The following ME3 variants were observed in gnomAD, a reference collection of about 807,000 sequenced individuals.
The protein encoded by ME3 is NADP-dependent malic enzyme, mitochondrial.
In ME3, 48 loss-of-function variants were observed where a neutral mutation model predicts 68.9. The observed-to-expected ratio is 0.70, with a 90% CI of 0.55 to 0.89. The LOEUF (loss-of-function observed/expected upper bound fraction) is 0.89, where lower values mean the gene tolerates loss of function less well. Among genes scored for constraint, ME3 ranks in the 40% least tolerant of loss-of-function variants. ME3 has a pLI of 0.00. For missense variants in ME3, 675 were observed against 797.4 expected, an observed-to-expected ratio of 0.85 and a Z score of 1.85; for synonymous variants, 320 against 318.8, an observed-to-expected ratio of 1.00 and a Z score of -0.04.
intron 2 of ME3, among the ~76,000 whole-genome samples, chr11:86,563,665 A>G (rs1482924459): frequency 6.6e-6 from 1 of 152,146 alleles, no homozygotes; most frequent in Non-Finnish European, 1.5e-5. Flanking sequence ...TCTTTTGCAT[A>G]TGGCTAGCCA....
chr11:86,487,476 C>G, intron 6 of ME3, 36 bp from the exon 7 acceptor site: 1 of 1,542,142 alleles, frequency 6.5e-7, no homozygotes, highest in Non-Finnish European at 8.9e-7. Context: ...GAGCCTACTC[C>G]CGGTGTTCCT....
At chr11:86,460,730 G>A (rs561187641) in intron 8 of ME3, among the ~76,000 whole-genome samples, 5 of 152,312 alleles carry the variant, frequency 3.3e-5, no homozygotes, top group African/African-American at 9.6e-5. Flanking sequence ...AACCCTCTGT[G>A]GTTCTGTGCA....
At chr11:86,462,677 G>T (rs1950280909) in intron 8 of ME3, 2 of 1,042,326 alleles carry the variant, frequency 1.9e-6, no homozygotes, top group Non-Finnish European at 2.6e-6. Context: ...GGTGCTGGGA[G>T]CTGGGGAACA....
At chr11:86,665,248 T>C (rs1049637517) in intron 2 of ME3, among the ~76,000 whole-genome samples, 1 of 152,224 alleles carries the variant, frequency 6.6e-6, no homozygotes, top group Non-Finnish European at 1.5e-5. Flanking sequence ...AGCAGTTAGA[T>C]AGCATATGAG....
At position 86,485,978 on chromosome 11, in the gene ME3, T is replaced by C. The variant is rs188497060; in HGVS notation, c.809+1359A>G. ...TCCCAGTCTGGACATTCTCCCACTC[T>C]CCTAGATAACTAGGTCCCACTTCCT... On this transcript the variant is annotated intron_variant, in intron 7 of 14. Transcript: ENST00000543262. Among the ~76,000 whole-genome samples, 44 of 152,294 alleles carry C rather than the reference T, an allele frequency of 2.9e-4. No homozygotes were observed. The East Asian group carries it at 7.7e-3, about 27-fold the overall frequency.
chr11:86,623,847 A>G (rs1943497052), intron 2 of ME3, among the ~76,000 whole-genome samples: 1 of 152,124 alleles, frequency 6.6e-6, no homozygotes, highest in African/African-American at 2.4e-5. Flanking sequence ...TCTGGAGATT[A>G]TGAATGCCTT....
At chr11:86,628,953 A>T (rs1482927015) in intron 2 of ME3, among the ~76,000 whole-genome samples, 1 of 152,244 alleles carries the variant, frequency 6.6e-6, no homozygotes, top group African/African-American at 2.4e-5. Flanking sequence ...TGTGCTTGTC[A>T]TCTGATTCTC....
chr11:86,580,087 T>C (rs1958350736), intron 2 of ME3, among the ~76,000 whole-genome samples: 1 of 152,244 alleles, frequency 6.6e-6, no homozygotes, highest in African/African-American at 2.4e-5. Flanking sequence ...TCTCATTTCA[T>C]AAACATGATT....
intron 7 of ME3, among the ~76,000 whole-genome samples, chr11:86,476,356 G>C (rs1951083411): frequency 6.6e-6 from 1 of 152,190 alleles, no homozygotes; most frequent in Non-Finnish European, 1.5e-5. Context: ...AACAGGGGTG[G>C]GAGTTGGAGC....
intron 2 of ME3, among the ~76,000 whole-genome samples, chr11:86,654,581 T>C (rs1217960197): frequency 6.6e-6 from 1 of 152,210 alleles, no homozygotes. Flanking sequence ...GAATTAGGTA[T>C]TGATGGGACA....
At chr11:86,669,391 T>C (rs1321384509) in intron 2 of ME3, among the ~76,000 whole-genome samples, 8 of 152,330 alleles carry the variant, frequency 5.3e-5, no homozygotes, top group African/African-American at 1.9e-4. Flanking sequence ...TGTGAAGAAA[T>C]ACCCAAGACT....
chr11:86,629,471 A>G (rs555993609), intron 2 of ME3, among the ~76,000 whole-genome samples: 2 of 152,194 alleles, frequency 1.3e-5, no homozygotes, highest in Non-Finnish European at 2.9e-5. Context: ...CCCCGTGGGT[A>G]AAGGACACAT....
chr11:86,538,920 C>A (rs190500890), intron 4 of ME3, among the ~76,000 whole-genome samples: 92 of 152,240 alleles, frequency 6.0e-4, no homozygotes, highest in Middle Eastern at 6.8e-3. Flanking sequence ...AAGCTTTTCC[C>A]AGAAGTCCTG....
At chr11:86,551,923 T>TC (rs1318003515) in intron 4 of ME3, among the ~76,000 whole-genome samples, 11 of 152,236 alleles carry the variant, frequency 7.2e-5, no homozygotes, top group African/African-American at 2.4e-4. Context: ...CTCTGATTCC[T>TC]CACACATACT....
At chr11:86,657,456 TG>T (rs1945972714) in intron 2 of ME3, among the ~76,000 whole-genome samples, 1 of 35,580 alleles carries the variant, frequency 2.8e-5, no homozygotes, top group African/African-American at 1.2e-4. Flanking sequence ...CATCATACAT[TG>T]GGGCCTGTAG....
At chr11:86,662,931 C>A (rs117653724) in intron 2 of ME3, among the ~76,000 whole-genome samples, 2 of 152,182 alleles carry the variant, frequency 1.3e-5, no homozygotes, top group African/African-American at 2.4e-5. Context: ...AGTCCCTGGG[C>A]AGCCTCATAA....
chr11:86,452,161 C>T (rs575123650), intron 8 of ME3, among the ~76,000 whole-genome samples: 2 of 152,280 alleles, frequency 1.3e-5, no homozygotes, highest in South Asian at 4.1e-4. Flanking sequence ...CTTCCTGTCT[C>T]TTTAATTTTG....
At chr11:86,524,681 T>A (rs1954594758) in intron 4 of ME3, among the ~76,000 whole-genome samples, 1 of 152,208 alleles carries the variant, frequency 6.6e-6, no homozygotes, top group Non-Finnish European at 1.5e-5. Flanking sequence ...ATATTAGTTA[T>A]GAAAGCTGGA....
At chr11:86,525,108 A>G (rs1342757017) in intron 4 of ME3, among the ~76,000 whole-genome samples, 1 of 152,222 alleles carries the variant, frequency 6.6e-6, no homozygotes, top group Non-Finnish European at 1.5e-5. Flanking sequence ...GCAGACAGTC[A>G]GACAGACTTA....
Sources: allele counts gnomAD v4.1 joint callset (sites outside exome capture counted in the v4.1 genomes callset), GRCh38; gene constraint gnomAD v4.1.1; transcripts MANE v1.5; gene names NCBI Gene and HGNC (gene_info 2026-07-23, HGNC 2026-07-21).